CR2: variants seen among roughly 807,000 people sequenced by gnomAD.
The protein encoded by CR2 is complement receptor type 2.
Under a neutral mutation model 123.0 loss-of-function variants are expected in CR2, and 96 were observed. The ratio of observed to expected loss-of-function variants is 0.78; its 90% CI spans 0.66 to 0.93. The LOEUF (loss-of-function observed/expected upper bound fraction) is 0.93. Ranked by LOEUF, CR2 falls within the 40% of genes least tolerant of loss-of-function variation. The pLI, the probability that CR2 is intolerant of heterozygous loss-of-function variation, is 0.00. For missense variants in CR2, 1,258 were observed against 1,361.0 expected (o/e 0.92, Z 1.19); for synonymous variants, 484 against 469.5 (o/e 1.03, Z -0.40).
At chr1:207,479,200 A>G in intron 16 of CR2, 57 bp from the exon 17 acceptor site, 3 of 1,301,164 alleles carry the variant, frequency 2.3e-6, no homozygotes, top group Non-Finnish European at 3.4e-6. Flanking sequence ...ACGTGGGGCT[A>G]CATTGAATTA....
chr1:207,456,137 G>C (rs188593793), intron 1 of CR2, among the ~76,000 whole-genome samples: 13 of 152,202 alleles, frequency 8.5e-5, no homozygotes, highest in African/African-American at 2.9e-4. Flanking sequence ...AGAAAATCTG[G>C]TGTCTTCAGC....
intron 18 of CR2, among the ~76,000 whole-genome samples, chr1:207,481,015 T>C (rs764101756): frequency 6.6e-6 from 1 of 152,020 alleles, no homozygotes; most frequent in Non-Finnish European, 1.5e-5. Flanking sequence ...ATATACTAGG[T>C]CTTTCCATTT....
intron 16 of CR2, 37 bp downstream of exon 16, chr1:207,478,107 C>T: frequency 6.3e-7 from 1 of 1,598,276 alleles, no homozygotes; most frequent in South Asian, 1.1e-5. Flanking sequence ...TTGTAACTGG[C>T]TAACGGAGAG....
intron 18 of CR2, among the ~76,000 whole-genome samples, chr1:207,483,440 G>T (rs773607258): frequency 6.6e-6 from 1 of 152,118 alleles, no homozygotes; most frequent in Non-Finnish European, 1.5e-5. Context: ...TACAGTTAGC[G>T]TGTACTTAGA....
intron 19 of CR2, among the ~76,000 whole-genome samples, chr1:207,488,491 G>A (rs1658807412): frequency 6.6e-6 from 1 of 152,144 alleles, no homozygotes; most frequent in African/African-American, 2.4e-5. Flanking sequence ...GGGTTTGATG[G>A]CACGTGCCTG....
In CR2 at chr1:207,454,493, AG is replaced by A. The variant is rs1338083996; in HGVS notation, c.58+18del. ...GGGTCCTCGGTGAGCTGGGAGGGGG[AG>A]CACGGAGGTGGGGACGCGTCCCGGG... On this transcript the variant is annotated intron_variant, in intron 1 of 19. Transcript: ENST00000367057. The surrounding 1 kb of genome is among the most constrained non-coding windows in gnomAD (Gnocchi z 4.3). The A allele has an allele frequency of 1.3e-6, 2 of 1,528,226 alleles. No individual in the cohort carries two copies. Among genetic ancestry groups the A allele is most frequent in the African/African-American group, 2.8e-5 (2 of 71,698 alleles). The allele number at this position is 1,528,226 out of a possible 1,614,324, so 94.7% of individuals were successfully genotyped here.
At chr1:207,467,686 T>C (rs1428073885) in intron 2 of CR2, among the ~76,000 whole-genome samples, 1 of 152,214 alleles carries the variant, frequency 6.6e-6, no homozygotes, top group Non-Finnish European at 1.5e-5. Flanking sequence ...ATTGATTGAT[T>C]GATAAATAGC....
At chr1:207,464,096 C>A (rs976951809) in intron 1 of CR2, among the ~76,000 whole-genome samples, 2 of 152,182 alleles carry the variant, frequency 1.3e-5, no homozygotes, top group Non-Finnish European at 2.9e-5. Flanking sequence ...ACACTGCCAA[C>A]TTTATTCCAT....
At chr1:207,464,511 G>A (rs768511545) in intron 1 of CR2, among the ~76,000 whole-genome samples, 4 of 152,216 alleles carry the variant, frequency 2.6e-5, no homozygotes, top group Non-Finnish European at 5.9e-5. Flanking sequence ...TGACCTCTTG[G>A]ATGAGAAGTC....
intron 15 of CR2, 56 bp from the exon 16 acceptor site, chr1:207,477,829 T>G: frequency 6.5e-7 from 1 of 1,548,198 alleles, no homozygotes; most frequent in South Asian, 1.1e-5. Flanking sequence ...AATTTCTGCT[T>G]TCTTGGTAAA....
intron 9 of CR2, among the ~76,000 whole-genome samples, chr1:207,472,290 C>G (rs978433518): frequency 6.6e-6 from 1 of 151,992 alleles, no homozygotes; most frequent in Non-Finnish European, 1.5e-5. Flanking sequence ...TTAAAAAACA[C>G]TACAGACTTC....
At chr1:207,464,609 CTCAATTATAGAAGTTGAAAATGGAGTTG>C (rs1015714633) in intron 1 of CR2, among the ~76,000 whole-genome samples, 2 of 152,314 alleles carry the variant, frequency 1.3e-5, no homozygotes, top group African/African-American at 4.8e-5. Flanking sequence ...TACTTGAATG[CTCAATTATAGAAGTTGAAAATGGAGTTG>C]TGGAATCTGG....
chr1:207,476,485 G>T, intron 15 of CR2, 66 bp downstream of exon 15: 2 of 1,437,554 alleles, frequency 1.4e-6, no homozygotes, highest in South Asian at 1.2e-5. Context: ...TATTCAGTTG[G>T]GTACTTTCAA....
chr1:207,468,271 G>A (rs1558189889), intron 2 of CR2: 6 of 518,006 alleles, frequency 1.2e-5, no homozygotes, highest in East Asian at 1.1e-4. Context: ...CCCGTGGACA[G>A]CATGTGGCCC....
chr1:207,478,217 G>C (rs1658497373), intron 16 of CR2, 147 bp downstream of exon 16: 2 of 907,422 alleles, frequency 2.2e-6, no homozygotes, highest in South Asian at 3.2e-5. Context: ...GAAGTCAGTG[G>C]TCTATTCTAG....
chr1:207,459,761 A>G (rs1657923096), intron 1 of CR2, among the ~76,000 whole-genome samples: 1 of 152,182 alleles, frequency 6.6e-6, no homozygotes, highest in Non-Finnish European at 1.5e-5. Context: ...AGTGACCCTC[A>G]AGAAAATTTG....
At chr1:207,475,277 G>A in intron 14 of CR2, 61 bp downstream of exon 14, 1 of 1,569,652 alleles carries the variant, frequency 6.4e-7, no homozygotes, top group South Asian at 1.2e-5. Flanking sequence ...AAGAGGTTTT[G>A]AATCTGCACT....
chr1:207,482,540 G>A (rs1278493133), intron 18 of CR2, among the ~76,000 whole-genome samples: 3 of 152,100 alleles, frequency 2.0e-5, no homozygotes, highest in Non-Finnish European at 4.4e-5. Context: ...CTATGCCTTA[G>A]CACTATACTA....
rs1329567966 is a variant in CR2 at position 207,469,249 on chromosome 1, TG to T, written c.817+19del. ...TATGTGAAGGTAGGCTAGGCAACTA[TG>T]GTCTGACAGCACTGCATTCTCAGCT... On this transcript the variant is annotated intron_variant, in intron 5 of 19. Transcript: ENST00000367057. 7.5e-6 allele frequency: 12 copies of T among 1,597,898 alleles called. No homozygotes were observed. The highest frequency in any genetic ancestry group is 1.0e-5 in the Non-Finnish European group (12 of 1,165,398).
Sources: gnomAD v4.1 joint callset for allele counts (sites outside exome capture counted in the v4.1 genomes callset) on GRCh38, gnomAD v4.1.1 for gene constraint, Gnocchi (gnomAD v3.1) non-coding constraint, MANE v1.5 for transcripts, NCBI Gene and HGNC (gene_info 2026-07-23, HGNC 2026-07-21) for gene names.